DTNA: variants seen among roughly 807,000 people sequenced by gnomAD.
DTNA encodes dystrophin-related protein 3.
Under a neutral mutation model 100.7 loss-of-function variants are expected in DTNA, and 43 were observed. The observed-to-expected ratio is 0.43, with a 90% CI of 0.33 to 0.55. The LOEUF is 0.55. Ranked by LOEUF, DTNA falls within the 20% of genes least tolerant of loss-of-function variation. The pLI, the probability that DTNA is intolerant of heterozygous loss-of-function variation, is 0.04. For synonymous variants in DTNA, 349 were observed against 347.9 expected (o/e 1.00, Z -0.04); for missense variants, 798 against 953.9 (o/e 0.84, Z 2.15).
chr18:34,617,326 A>G (rs1034954710), intron 1 of DTNA, among the ~76,000 whole-genome samples: 8 of 152,216 alleles, frequency 5.3e-5, no homozygotes, highest in African/African-American at 1.9e-4. Context: ...GGTTTTAAAC[A>G]TGAAATGATG....
At chr18:34,590,099 T>C (rs2049556710) in intron 1 of DTNA, among the ~76,000 whole-genome samples, 1 of 152,216 alleles carries the variant, frequency 6.6e-6, no homozygotes, top group South Asian at 2.1e-4. Flanking sequence ...TTGATGTATT[T>C]CCTTTGGGTA....
intron 7 of DTNA, among the ~76,000 whole-genome samples, chr18:34,816,387 G>GAA (rs910090734): frequency 3.9e-5 from 6 of 152,210 alleles, no homozygotes; most frequent in Admixed American, 1.3e-4. Flanking sequence ...CACTCAGCCA[G>GAA]AAATAGGTGG....
intron 1 of DTNA, among the ~76,000 whole-genome samples, chr18:34,697,662 C>T (rs767378954): frequency 1.3e-5 from 2 of 151,962 alleles, no homozygotes; most frequent in Admixed American, 6.6e-5. Context: ...AATTGTGCAC[C>T]GGGGATTTGA....
chr18:34,722,606 T>TACACAC lies in DTNA; in HGVS notation c.-2+12181_-2+12186dup, dbSNP rs71166022. On this transcript the variant is annotated intron_variant, in intron 1 of 22. Coordinates refer to ENST00000444659, the MANE Select transcript of DTNA (RefSeq NM_001386795.1). ...ATAGGTTTTGACATATATATATACA[T>TACACAC]ACACACACACACACACACACACACA... 2.0e-3 allele frequency among the ~76,000 whole-genome samples: 290 copies of TACACAC among 147,226 alleles called. 3 individuals carry two copies. The highest frequency in any genetic ancestry group is 6.8e-3 in the African/African-American group (275 of 40,338).
Position 34,825,386 on chromosome 18 carries a change from C to T in DTNA, c.1002-2207C>T, listed in dbSNP as rs2095837046. ...ATATGAGGCTAGTTTAGAACTAAGT[C>T]TTCTTATGCTGTACACTCAGTTCAC... On this transcript the variant is annotated intron_variant, in intron 9 of 22. Coordinates refer to ENST00000444659, the MANE Select transcript of DTNA (RefSeq NM_001386795.1). The T allele has an allele frequency of 4.3e-5, 58 of 1,333,956 alleles. No individual in the cohort carries two copies. In the South Asian group the frequency reaches 6.3e-4, roughly 15 times the overall value. 82.6% of individuals were successfully genotyped at this position (1,333,956 alleles called of 1,614,324 possible).
intron 1 of DTNA, among the ~76,000 whole-genome samples, chr18:34,557,344 G>A (rs1054437093): frequency 7.4e-5 from 11 of 148,810 alleles, no homozygotes; most frequent in East Asian, 1.9e-4. Flanking sequence ...TAATTTGATC[G>A]TCTGAAGCCT....
intron 1 of DTNA, among the ~76,000 whole-genome samples, chr18:34,615,585 C>T (rs1444771165): frequency 1.3e-5 from 2 of 151,958 alleles, no homozygotes; most frequent in Non-Finnish European, 2.9e-5. Flanking sequence ...ATTTTAGTTT[C>T]AGAAGTAGAT....
intron 1 of DTNA, among the ~76,000 whole-genome samples, chr18:34,632,032 T>G (rs552420562): frequency 2.6e-5 from 4 of 152,314 alleles, no homozygotes; most frequent in Admixed American, 2.0e-4. Context: ...TCATAACATT[T>G]TCAATTTAAT....
Position 34,516,310 on chromosome 18 carries a change from C to T in DTNA, c.-2+22796C>T, listed in dbSNP as rs72949499. Among the ~76,000 whole-genome samples, 1,300 of 152,114 alleles carry T rather than the reference C, an allele frequency of 8.5e-3. 10 individuals carry two copies. Among genetic ancestry groups the T allele is most frequent in the Middle Eastern group, 0.027 (8 of 294 alleles). ...TGTGCATCACAGAGATCACATGCTT[C>T]GAGGGCAATAAAATATCACAAGGCA... On this transcript the variant is annotated intron_variant, in intron 1 of 19. Transcript: ENST00000283365.
chr18:34,860,231 T>TG (rs1185253451), intron 16 of DTNA, among the ~76,000 whole-genome samples: 12 of 135,376 alleles, frequency 8.9e-5, no homozygotes, highest in South Asian at 5.0e-4. Flanking sequence ...TTTTTTTTTT[T>TG]TTTTTTTTTT....
chr18:34,584,119 C>T (rs185690072), intron 1 of DTNA, among the ~76,000 whole-genome samples: 3 of 152,286 alleles, frequency 2.0e-5, no homozygotes, highest in Non-Finnish European at 4.4e-5. Flanking sequence ...GAGGGGGCAC[C>T]TTCCTAGAGG....
At chr18:34,657,292 T>G (rs994891221) in intron 1 of DTNA, among the ~76,000 whole-genome samples, 2 of 152,242 alleles carry the variant, frequency 1.3e-5, no homozygotes, top group South Asian at 2.1e-4. Context: ...ATAGCTTGCT[T>G]TAACTTTTCT....
chr18:34,661,029 T>A (rs2075109125), intron 1 of DTNA, among the ~76,000 whole-genome samples: 1 of 152,200 alleles, frequency 6.6e-6, no homozygotes. Context: ...TTTTTCAGAG[T>A]TTGACTCTTT....
intron 15 of DTNA, among the ~76,000 whole-genome samples, chr18:34,855,512 AT>A (rs1354161378): frequency 6.6e-6 from 1 of 152,250 alleles, no homozygotes; most frequent in East Asian, 1.9e-4. Flanking sequence ...TGAACTTTCC[AT>A]TAGGGATTCC....
intron 1 of DTNA, among the ~76,000 whole-genome samples, chr18:34,583,597 T>C (rs2048840929): frequency 6.6e-6 from 1 of 152,056 alleles, no homozygotes; most frequent in Non-Finnish European, 1.5e-5. Flanking sequence ...TTTTTTTTTT[T>C]TTAATGGAAA....
In DTNA at chr18:34,889,798, C is replaced by T; in HGVS notation, c.*2064C>T. 1 of 987,282 alleles carries T rather than the reference C, an allele frequency of 1.0e-6. No homozygotes were observed. Among genetic ancestry groups the T allele is most frequent in the Non-Finnish European group, 1.2e-6 (1 of 830,938 alleles). The allele number at this position is 987,282 out of a possible 1,614,324, so 61.2% of individuals were successfully genotyped here. On this transcript the variant is annotated 3_prime_UTR_variant, in exon 23 of 23. Coordinates refer to ENST00000444659, the MANE Select transcript of DTNA (RefSeq NM_001386795.1). ...ACAAATGTCTCTGAGCACAGGCTGA[C>T]ACCAAAGTGGCACAACTGCACAGTT...
intron 1 of DTNA, among the ~76,000 whole-genome samples, chr18:34,642,568 T>G (rs1325714841): frequency 6.6e-6 from 1 of 151,852 alleles, no homozygotes. Context: ...TTTCTTTTCT[T>G]TCTTTTCTTT....
At chr18:34,570,880 G>C (rs1021877466) in intron 1 of DTNA, among the ~76,000 whole-genome samples, 2 of 152,152 alleles carry the variant, frequency 1.3e-5, no homozygotes, top group Non-Finnish European at 2.9e-5. Context: ...GGCTCCAGGG[G>C]AGGAGTGAAG....
intron 10 of DTNA, 82 bp from the exon 11 acceptor site, chr18:34,829,318 C>T (rs1381365079): frequency 6.6e-7 from 1 of 1,526,576 alleles, no homozygotes; most frequent in Non-Finnish European, 8.8e-7. Flanking sequence ...AAGCTGTGTA[C>T]ACTAAATGTC....
Sources: allele counts gnomAD v4.1 joint callset (sites outside exome capture counted in the v4.1 genomes callset), GRCh38; gene constraint gnomAD v4.1.1; transcripts MANE v1.5; gene names NCBI Gene and HGNC (gene_info 2026-07-23, HGNC 2026-07-21).